OR5A2: variants seen among roughly 807,000 people sequenced by gnomAD.
OR5A2 encodes the protein olfactory receptor 5A2.
For missense variants in OR5A2, 406 were observed against 398.9 expected, an observed-to-expected ratio of 1.02 and a Z score of -0.15; for synonymous variants, 155 against 151.1, an observed-to-expected ratio of 1.03 and a Z score of -0.19.
chr11:59,422,160 G>C lies in OR5A2; in HGVS notation c.794C>G (p.Ser265Cys). ...CTTGTCCCTGTTTAGGGAGTAGCTGGAACTGGGTCGCATGTACATGAAGAA... is the reference window on the plus strand; with the variant it reads ...CTTGTCCCTGTTTAGGGAGTAGCTGCAACTGGGTCGCATGTACATGAAGAA... Reference protein sequence around the residue: ...SGFFMYMRPSSSYSLNRDKVV... With the variant: ...SGFFMYMRPSCSYSLNRDKVV... Residue 265 changes from serine to cysteine, a missense_variant, in exon 2 of 2, where the codon TCC (serine) becomes TGC (cysteine). By Grantham distance (112) the Ser-to-Cys change is moderately radical. Coordinates refer to ENST00000302040, the MANE Select transcript of OR5A2 (RefSeq NM_001001954.2). 1 of 1,614,076 alleles carries C rather than the reference G, an allele frequency of 6.2e-7. No homozygotes were observed. The highest frequency in any genetic ancestry group is 1.1e-5 in the South Asian group (1 of 91,084).
In OR5A2 at chr11:59,420,629, T is replaced by C. The variant is rs1590605803; in HGVS notation, c.*1350A>G. The C allele has an allele frequency of 6.6e-6, 1 of 152,270 alleles. No homozygotes were observed. The highest frequency in any genetic ancestry group is 3.4e-3 in the Middle Eastern group (1 of 294). The allele number at this position is 152,270 out of a possible 1,614,324, so 9.4% of individuals were successfully genotyped here. A position where few individuals can be genotyped will look rare whatever the true frequency, so the allele number is the denominator to read the frequency against. ...TGCCTAAAGACACACAGGCAGATAT[T>C]ATTTACTCACTTATTTATAGCCTAC... On this transcript the variant is annotated 3_prime_UTR_variant, in exon 2 of 2. Transcript: ENST00000302040.
chr11:59,424,954 C>T (rs915386392), intron 1 of OR5A2: 1 of 152,094 alleles, frequency 6.6e-6, no homozygotes, highest in Non-Finnish European at 1.5e-5. Context: ...TGAAATCTTC[C>T]CTACCAGAAT....
At position 59,422,193 on chromosome 11, in the gene OR5A2, C is replaced by T; in HGVS notation, c.761G>A (p.Gly254Asp). The T allele has an allele frequency of 1.2e-6, 2 of 1,614,110 alleles. No individual in the cohort carries two copies. Among genetic ancestry groups the T allele is most frequent in the East Asian group, 2.2e-5 (1 of 44,884 alleles). Residue 254 changes from glycine (G) to aspartate (D), a missense_variant, in exon 2 of 2, where the codon GGT becomes GAT. Gly to Asp is a moderately conservative substitution (Grantham distance 94, BLOSUM62 -1). Coordinates refer to ENST00000302040, the MANE Select transcript of OR5A2 (RefSeq NM_001001954.2). ...SHLTAVTLFY[G>D]SGFFMYMRPS... ...TCGCATGTACATGAAGAATCCAGAACCATAGAAGAGGGTCACAGCAGTCAG... is the reference window on the plus strand; with the variant it reads ...TCGCATGTACATGAAGAATCCAGAATCATAGAAGAGGGTCACAGCAGTCAG...
Position 59,422,605 on chromosome 11 carries a change from C to T in OR5A2, c.349G>A (p.Ala117Thr), listed in dbSNP as rs1565070433. 6.2e-7 allele frequency: 1 copy of T among 1,614,150 alleles called. No individual in the cohort carries two copies. The highest frequency in any genetic ancestry group is 1.7e-5 in the Admixed American group (1 of 60,024). ...GMGLTECFLL[A>T]AMAYDRYAAI... Reference sequence around the variant, plus strand: ...GCATACCGGTCATAGGCCATAGCTGCCAGGAGAAAGCATTCAGTCAGCCCC... The same window carrying T: ...GCATACCGGTCATAGGCCATAGCTGTCAGGAGAAAGCATTCAGTCAGCCCC... The change falls in exon 2 of 2, where the codon GCA becomes ACA. Residue 117 changes from alanine to threonine, a missense_variant. Ala to Thr is a moderately conservative substitution (Grantham distance 58, BLOSUM62 0). Transcript: ENST00000302040.
In OR5A2 at chr11:59,422,460, T is replaced by C; in HGVS notation, c.494A>G (p.Tyr165Cys). ...ATAGGGCCCACAGAAATCATGCTGATAGACAGAGTATGTTTCAATGAAAGA... is the reference window on the plus strand; with the variant it reads ...ATAGGGCCCACAGAAATCATGCTGACAGACAGAGTATGTTTCAATGAAAGA... ...LSSFIETYSV[Y>C]QHDFCGPYMI... The change falls in exon 2 of 2, where the codon TAT (tyrosine) becomes TGT (cysteine). Residue 165 changes from tyrosine (Y) to cysteine (C), a missense_variant. By Grantham distance (194) the Tyr-to-Cys change is radical. Transcript: ENST00000302040. 5 of 1,614,068 alleles carry C rather than the reference T, an allele frequency of 3.1e-6. No homozygotes were observed. Among genetic ancestry groups the C allele is most frequent in the Non-Finnish European group, 4.2e-6 (5 of 1,180,012 alleles).
Position 59,426,321 on chromosome 11 carries a change from T to C in OR5A2, c.-242A>G, listed in dbSNP as rs984100343. 1.3e-5 allele frequency: 2 copies of C among 152,228 alleles called. No individual in the cohort carries two copies. The highest frequency in any genetic ancestry group is 1.3e-4 in the Admixed American group (2 of 15,284). 9.4% of individuals were successfully genotyped at this position (152,228 alleles called of 1,614,324 possible). ...TTCTCGTTCCATCAATTTCTTATGC[T>C]TTGGCCTCATGTAAATAGTAAACCA... On this transcript the variant is annotated 5_prime_UTR_variant, in exon 1 of 2. Transcript: ENST00000302040.
Position 59,422,289 on chromosome 11 carries a change from A to G in OR5A2, c.665T>C (p.Ile222Thr), listed in dbSNP as rs764846018. The G allele has an allele frequency of 3.7e-6, 6 of 1,614,116 alleles. No individual in the cohort carries two copies. In the East Asian group the frequency reaches 8.9e-5, roughly 24 times the overall value. ...VLVVLISYGY[I>T]VAAVVKISSA... is the part of the protein sequence containing the mutation. ...GCTGATCTTCACAACAGCAGCAACA[A>G]TGTAACCATAAGAGATGAGGACCAC... Residue 222 changes from isoleucine (I) to threonine (T), a missense_variant, in exon 2 of 2, where the codon ATT becomes ACT. Ile to Thr is a moderately conservative substitution (Grantham distance 89). Coordinates refer to ENST00000302040, the MANE Select transcript of OR5A2 (RefSeq NM_001001954.2).
chr11:59,422,509 C>T lies in OR5A2; in HGVS notation c.445G>A (p.Ala149Thr), dbSNP rs772825505. 55 of 1,613,992 alleles carry T rather than the reference C, an allele frequency of 3.4e-5. No individual in the cohort carries two copies. The highest frequency in any genetic ancestry group is 4.5e-5 in the East Asian group (2 of 44,894). ...GAACTAAGGAATCCACCCACATAGG[C>T]GCCAACCACCATCTTTAAACAAAGT... is the stretch of plus-strand genomic sequence containing the variant. ...HTLCLKMVVGAYVGGFLSSFI... is the reference protein window; with the variant it reads ...HTLCLKMVVGTYVGGFLSSFI... Residue 149 changes from alanine (A) to threonine (T), a missense_variant, in exon 2 of 2, where the codon GCC (alanine) becomes ACC (threonine). By Grantham distance (58) the Ala-to-Thr change is moderately conservative (BLOSUM62 0). Transcript: ENST00000302040.
chr11:59,423,118 G>A (rs1357662288), intron 1 of OR5A2, 74 bp from the exon 2 acceptor site: 1 of 683,510 alleles, frequency 1.5e-6, no homozygotes, highest in Non-Finnish European at 2.5e-6. Context: ...GCTAGGCAAA[G>A]ACTTTTCAGA....
rs189882816 is a variant in OR5A2 at position 59,420,138 on chromosome 11, A to G, written c.*1841T>C. The G allele has an allele frequency of 1.2e-3, 178 of 152,288 alleles. No individual in the cohort carries two copies. Among genetic ancestry groups the G allele is most frequent in the African/African-American group, 3.9e-3 (161 of 41,572 alleles). 9.4% of individuals were successfully genotyped at this position (152,288 alleles called of 1,614,324 possible). On this transcript the variant is annotated 3_prime_UTR_variant, in exon 2 of 2. Transcript: ENST00000302040. ...CAGGGCATGACTCCCCAGACCCCTT[A>G]GAAAGGAATTTGGGCAAGATAAAAA...
In OR5A2 at chr11:59,421,982, G is replaced by A; in HGVS notation, c.972C>T (p.Gly324=). The A allele has an allele frequency of 6.2e-7, 1 of 1,600,748 alleles. No individual in the cohort carries two copies. Residue 324 remains glycine (G), a synonymous_variant, in exon 2 of 2, where the codon GGC becomes GGT. Transcript: ENST00000302040. The part of the protein sequence containing the change: ...HGGPFIFMTL[G] ...GCTCACAGCTTCATTGTAAACATTA[G>A]CCCAAGGTCATAAAAATGAATGGTC...
intron 1 of OR5A2, chr11:59,425,475 G>A (rs1858291763): frequency 6.6e-6 from 1 of 152,160 alleles, no homozygotes; most frequent in Admixed American, 6.5e-5. Context: ...GAGGCTGCAT[G>A]ACCCCTAAAC....
At chr11:59,423,302 A>C in intron 1 of OR5A2, 1 of 206,596 alleles carries the variant, frequency 4.8e-6, no homozygotes. Context: ...CATTTTCCCA[A>C]ATGGGAAAGG....
Position 59,422,050 on chromosome 11 carries a change from T to C in OR5A2, c.904A>G (p.Met302Val). The change falls in exon 2 of 2, where the codon ATG becomes GTG. Residue 302 changes from methionine (M) to valine (V), a missense_variant. Met to Val is a conservative substitution (Grantham distance 21, BLOSUM62 1). Transcript: ENST00000302040. The part of the protein sequence containing the change: ...SFRNKEIKNA[M>V]RKAMERDPGI... The stretch of plus-strand genomic sequence containing the variant: ...GGGTCCCTTTCCATGGCTTTCCTCA[T>C]GGCATTTTTAATCTCCTTATTCCTA... The C allele has an allele frequency of 1.9e-6, 3 of 1,614,024 alleles. No homozygotes were observed. The highest frequency in any genetic ancestry group is 2.5e-6 in the Non-Finnish European group (3 of 1,179,918).
chr11:59,425,437 T>C (rs182915332), intron 1 of OR5A2: 2 of 152,272 alleles, frequency 1.3e-5, no homozygotes, highest in Non-Finnish European at 2.9e-5. Context: ...CCGGGGCCAA[T>C]TTGGGAAGGT....
chr11:59,424,783 C>T (rs1001186228), intron 1 of OR5A2: 4 of 152,200 alleles, frequency 2.6e-5, no homozygotes, highest in Non-Finnish European at 5.9e-5. Flanking sequence ...ATATTAAAAA[C>T]TGCTCCTAGC....
chr11:59,422,323 A>ACACTATT lies in OR5A2; in HGVS notation c.624_630dup (p.Ser211AsnfsTer27). On this transcript the variant is annotated frameshift_variant, in exon 2 of 2. Coordinates refer to ENST00000302040, the MANE Select transcript of OR5A2 (RefSeq NM_001001954.2). LOFTEE classifies it low-confidence loss of function (END_TRUNC). ...TAAGAGATGAGGACCACTAGCACAG[A>ACACTATT]CACTATTCCAACGACAACACTGACT... 6.2e-7 allele frequency: 1 copy of ACACTATT among 1,614,100 alleles called. No individual in the cohort carries two copies. Among genetic ancestry groups the ACACTATT allele is most frequent in the African/African-American group, 1.3e-5 (1 of 75,034 alleles).
intron 1 of OR5A2, chr11:59,423,492 C>A (rs1412524958): frequency 6.6e-6 from 1 of 152,460 alleles, no homozygotes; most frequent in Non-Finnish European, 1.5e-5. Flanking sequence ...ATTTAGTGGG[C>A]TACAATTTTT....
At position 59,422,543 on chromosome 11, in the gene OR5A2, T is replaced by C; in HGVS notation, c.411A>G (p.Ile137Met). 2 of 1,614,120 alleles carry C rather than the reference T, an allele frequency of 1.2e-6. No individual in the cohort carries two copies. Among genetic ancestry groups the C allele is most frequent in the South Asian group, 2.2e-5 (2 of 91,086 alleles). The stretch of plus-strand genomic sequence containing the variant: ...CCATCTTTAAACAAAGTGTATGGGA[T>C]ATGAGGACTGTGTAAAGCAAGGGGT... ...ICNPLLYTVLISHTLCLKMVV... is the reference protein window; with the variant it reads ...ICNPLLYTVLMSHTLCLKMVV... Residue 137 changes from isoleucine (I) to methionine (M), a missense_variant, in exon 2 of 2, where the codon ATA (isoleucine) becomes ATG (methionine). Transcript: ENST00000302040.
Sources: gnomAD v4.1 joint callset for allele counts on GRCh38, gnomAD v4.1.1 for gene constraint, MANE v1.5 for transcripts, NCBI Gene and HGNC (gene_info 2026-07-23, HGNC 2026-07-21) for gene names.